Variants in APOF observed in about 807,000 individuals in gnomAD.
APOF encodes apolipoprotein F, also known as lipid transfer inhibitor protein.
A neutral mutation model predicts 2.4 loss-of-function variants in APOF; 2 were observed. The ratio of observed to expected loss-of-function variants is 0.83; its 90% confidence interval spans 0.34 to 2.61. The LOEUF is 2.61. APOF is among the 30% of genes most tolerant of loss of function. APOF has a pLI of 0.11. For missense variants in APOF, 370 were observed against 388.7 expected (o/e 0.95, Z 0.40); for synonymous variants, 149 against 155.6 (o/e 0.96, Z 0.32).
Position 56,362,202 on chromosome 12 carries a change from G to A in APOF, c.17-13C>T. 6.2e-7 allele frequency: 1 copy of A among 1,606,562 alleles called. No individual in the cohort carries two copies. The highest frequency in any genetic ancestry group is 8.5e-7 in the Non-Finnish European group (1 of 1,177,394). ...GGAGCAGAGTACCCTAGAAAGGGGA[G>A]AAATCCGAAACATACAAACCATTTC... On this transcript the variant is annotated splice_polypyrimidine_tract_variant and intron_variant, in intron 1 of 1. Coordinates refer to ENST00000398189, the MANE Select transcript of APOF (RefSeq NM_001638.4).
At chr12:56,362,703 C>T (rs1380126491) in intron 1 of APOF, 27 bp downstream of exon 1, 1 of 1,613,302 alleles carries the variant, frequency 6.2e-7, no homozygotes, top group Admixed American at 1.7e-5. Context: ...GTTTTATTTC[C>T]ACCCATATAT....
At position 56,362,109 on chromosome 12, in the gene APOF, G is replaced by T. The variant is rs36058071; in HGVS notation, c.97C>A (p.Pro33Thr). The T allele has an allele frequency of 1.8e-3, 2,915 of 1,613,978 alleles. 49 individuals are homozygous for T. The African/African-American group carries it at 0.035, about 19-fold the overall frequency. ...TTTCCATATGAAGTGGCATCCACAGGGTGCAGCAGGAGGTAGCAAAGTAGC... is the reference window on the plus strand; with the variant it reads ...TTTCCATATGAAGTGGCATCCACAGTGTGCAGCAGGAGGTAGCAAAGTAGC... ...ELLLCYLLLHPVDATSYGKQT... is the reference protein window; with the variant it reads ...ELLLCYLLLHTVDATSYGKQT... Residue 33 changes from proline (P) to threonine (T), a missense_variant, in exon 2 of 2, where the codon CCT becomes ACT. By Grantham distance (38) the Pro-to-Thr change is conservative. Transcript: ENST00000398189.
chr12:56,361,523 G>A lies in APOF; in HGVS notation c.683C>T (p.Thr228Ile). 1 of 1,614,052 alleles carries A rather than the reference G, an allele frequency of 6.2e-7. No homozygotes were observed. The highest frequency in any genetic ancestry group is 8.5e-7 in the Non-Finnish European group (1 of 1,179,906). ...AIDLGYDLLM[T>I]MAGMSGGPMG... ...AGGCCCCCCTGACATCCCAGCCATG[G>A]TCATCAGAAGGTCATATCCCAGATC... Residue 228 changes from threonine to isoleucine, a missense_variant, in exon 2 of 2, where the codon ACC becomes ATC. By Grantham distance (89) the Thr-to-Ile change is moderately conservative. Coordinates refer to ENST00000398189, the MANE Select transcript of APOF (RefSeq NM_001638.4).
chr12:56,361,502 C>A lies in APOF; in HGVS notation c.704G>T (p.Gly235Val). 1 of 1,614,006 alleles carries A rather than the reference C, an allele frequency of 6.2e-7. No homozygotes were observed. Among genetic ancestry groups the A allele is most frequent in the Non-Finnish European group, 8.5e-7 (1 of 1,179,886 alleles). ...AGCACTGATCGCTAGACCCATAGGCCCCCCTGACATCCCAGCCATGGTCAT... is the reference window on the plus strand; with the variant it reads ...AGCACTGATCGCTAGACCCATAGGCACCCCTGACATCCCAGCCATGGTCAT... ...LLMTMAGMSG[G>V]PMGLAISAAL... The change falls in exon 2 of 2, where the codon GGG (glycine) becomes GTG (valine). Residue 235 changes from glycine to valine, a missense_variant. Transcript: ENST00000398189.
chr12:56,361,668 G>C lies in APOF; in HGVS notation c.538C>G (p.His180Asp). 6.2e-7 allele frequency: 1 copy of C among 1,611,904 alleles called. No homozygotes were observed. The highest frequency in any genetic ancestry group is 1.7e-4 in the Middle Eastern group (1 of 6,058). Residue 180 changes from histidine (H) to aspartate (D), a missense_variant, in exon 2 of 2, where the codon CAC (histidine) becomes GAC (aspartate). Transcript: ENST00000398189. ...DCENEKEQAV[H>D]NVVQLLPGVG... ...CCTGGCAGCAGCTGGACTACATTGT[G>C]CACAGCTTGCTCCTTCTCATTCTCA...
Position 56,361,459 on chromosome 12 carries a change from T to C in APOF, c.747A>G (p.Leu249=). 6.2e-7 allele frequency: 1 copy of C among 1,614,018 alleles called. No homozygotes were observed. Residue 249 remains leucine (L), a synonymous_variant, in exon 2 of 2, where the codon TTA becomes TTG. Coordinates refer to ENST00000398189, the MANE Select transcript of APOF (RefSeq NM_001638.4). ...GGATCAACTGCTGAACCCCAGACCT[T>C]AATGCAGGTTTAAGTGCAGCACTGA... ...LAISAALKPA[L]RSGVQQLIQY... is the part of the protein sequence containing the mutation.
In APOF at chr12:56,362,669, A is replaced by G; in HGVS notation, c.16+61T>C. On this transcript the variant is annotated intron_variant, in intron 1 of 1. Transcript: ENST00000398189. ...CAGTTGCTCCCACTTGGTCTCCCCC[A>G]TTTACAGGTCACCAGGGACTTCTGT... 2.5e-6 allele frequency: 4 copies of G among 1,577,464 alleles called. No individual in the cohort carries two copies. The East Asian group carries it at 9.0e-5, about 35-fold the overall frequency.
Position 56,361,108 on chromosome 12 carries a change from C to T in APOF, c.*117G>A. 1 of 1,269,766 alleles carries T rather than the reference C, an allele frequency of 7.9e-7. No homozygotes were observed. Among genetic ancestry groups the T allele is most frequent in the East Asian group, 2.4e-5 (1 of 41,414 alleles). The allele number at this position is 1,269,766 out of a possible 1,614,324, so 78.7% of individuals were successfully genotyped here. ...TGTGACTTCAACACCCAAACATTTA[C>T]GTTCTTACGTTTTACTGTACAGCCT... On this transcript the variant is annotated 3_prime_UTR_variant, in exon 2 of 2. Coordinates refer to ENST00000398189, the MANE Select transcript of APOF (RefSeq NM_001638.4).
rs750714330 is a variant in APOF, at chr12:56,361,853, T to C, written c.353A>G (p.Asn118Ser). The change falls in exon 2 of 2, where the codon AAT (asparagine) becomes AGT (serine). Residue 118 changes from asparagine (N) to serine (S), a missense_variant. By Grantham distance (46) the Asn-to-Ser change is conservative. Coordinates refer to ENST00000398189, the MANE Select transcript of APOF (RefSeq NM_001638.4). ...QLQLYRQGGV[N>S]ATQVLIQHLR... ...ATGCTGGATGAGGACCTGTGTAGCA[T>C]TCACACCACCCTGGCGGTAGAGCTG... 3.1e-6 allele frequency: 5 copies of C among 1,613,594 alleles called. No homozygotes were observed. The Admixed American group carries it at 5.0e-5, about 16-fold the overall frequency.
chr12:56,362,229 C>G, intron 1 of APOF, 40 bp from the exon 2 acceptor site: 1 of 1,586,274 alleles, frequency 6.3e-7, no homozygotes, highest in Non-Finnish European at 8.6e-7. Context: ...AACCATTTCC[C>G]TAAGGGCGAT....
rs1399212316 is a variant in APOF, at chr12:56,362,751, A to G, written c.-6T>C. The stretch of plus-strand genomic sequence containing the variant: ...TTACCACACAGTCCAGTCATTGAGA[A>G]GTGAGACTGCCTTGGTAGGTTTGAT... On this transcript the variant is annotated 5_prime_UTR_variant, in exon 1 of 2. Transcript: ENST00000398189. 6.2e-7 allele frequency: 1 copy of G among 1,613,818 alleles called. No homozygotes were observed. The highest frequency in any genetic ancestry group is 8.5e-7 in the Non-Finnish European group (1 of 1,179,862).
Position 56,362,832 on chromosome 12 carries a change from G to C in APOF, c.-87C>G. 3 of 1,472,148 alleles carry C rather than the reference G, an allele frequency of 2.0e-6. No individual in the cohort carries two copies. The highest frequency in any genetic ancestry group is 2.8e-6 in the Non-Finnish European group (3 of 1,057,444). 91.2% of individuals were successfully genotyped at this position (1,472,148 alleles called of 1,614,324 possible). ...TGTCCCATGAGGAAAGGAGATATTTGCTTTCCCCTATGATCAGTGAAGGAT... is the reference window on the plus strand; with the variant it reads ...TGTCCCATGAGGAAAGGAGATATTTCCTTTCCCCTATGATCAGTGAAGGAT... On this transcript the variant is annotated 5_prime_UTR_variant, in exon 1 of 2. Coordinates refer to ENST00000398189, the MANE Select transcript of APOF (RefSeq NM_001638.4).
chr12:56,361,824 G>A lies in APOF; in HGVS notation c.382C>T (p.Arg128Ter), dbSNP rs932985798. 8.1e-6 allele frequency: 13 copies of A among 1,613,316 alleles called. No homozygotes were observed. Among genetic ancestry groups the A allele is most frequent in the African/African-American group, 5.3e-5 (4 of 75,026 alleles). The change falls in exon 2 of 2, where the codon CGA becomes TGA. Residue 128 changes from arginine (R) to a stop codon, truncating the protein, a stop_gained. Transcript: ENST00000398189. LOFTEE classifies it low-confidence loss of function (END_TRUNC). ...NATQVLIQHL[R>*]GLQKGRSTER... is the part of the protein sequence containing the mutation. Reference sequence around the variant, plus strand: ...GTGCTTCTGCCTTTCTGGAGCCCTCGAAGATGCTGGATGAGGACCTGTGTA... The same window carrying A: ...GTGCTTCTGCCTTTCTGGAGCCCTCAAAGATGCTGGATGAGGACCTGTGTA...
In APOF at chr12:56,360,810, C is replaced by T. The variant is rs1275576666; in HGVS notation, c.*415G>A. ...ATGTTGCCCAGGCTGATCTTGAACT[C>T]CTGACCTCAGGTGATCATCCCGCCT... On this transcript the variant is annotated 3_prime_UTR_variant, in exon 2 of 2. Transcript: ENST00000398189. 1 of 185,968 alleles carries T rather than the reference C, an allele frequency of 5.4e-6. No individual in the cohort carries two copies. The highest frequency in any genetic ancestry group is 1.1e-5 in the Non-Finnish European group (1 of 87,822). The allele number at this position is 185,968 out of a possible 1,614,324, so 11.5% of individuals were successfully genotyped here.
Sources: gnomAD v4.1 joint callset for allele counts on GRCh38, gnomAD v4.1.1 for gene constraint, MANE v1.5 for transcripts, NCBI Gene and HGNC (gene_info 2026-07-23, HGNC 2026-07-21) for gene names.